The following GNAQ variants were observed in gnomAD, a reference collection of about 807,000 sequenced individuals.
The protein encoded by GNAQ is G protein subunit alpha q.
In GNAQ, 8 loss-of-function variants were observed where a neutral mutation model predicts 43.9. That is an observed-to-expected ratio of 0.18 (90% CI 0.11 to 0.33). The LOEUF (loss-of-function observed/expected upper bound fraction) is 0.33, where lower values mean the gene tolerates loss of function less well. GNAQ is among the 10% of genes least tolerant of loss of function. The pLI is 1.00. For missense variants in GNAQ, 158 were observed against 450.8 expected, an observed-to-expected ratio of 0.35 and a Z score of 5.88; for synonymous variants, 155 against 170.7, an observed-to-expected ratio of 0.91 and a Z score of 0.71.
At chr9:77,975,774 G>C (rs1272856721) in intron 1 of GNAQ, among the ~76,000 whole-genome samples, 1 of 152,086 alleles carries the variant, frequency 6.6e-6, no homozygotes, top group Non-Finnish European at 1.5e-5. Context: ...TTGACCTCAT[G>C]ATCCACCCGC....
chr9:77,737,162 C>T (rs973320870), intron 5 of GNAQ, among the ~76,000 whole-genome samples: 3 of 152,226 alleles, frequency 2.0e-5, no homozygotes, highest in Non-Finnish European at 4.4e-5. Flanking sequence ...AGTACTCTCT[C>T]TACACCCATT....
chr9:77,772,406 G>GTGC (rs1826239605), intron 5 of GNAQ, among the ~76,000 whole-genome samples: 1 of 152,166 alleles, frequency 6.6e-6, no homozygotes, highest in African/African-American at 2.4e-5. Flanking sequence ...TCCACCAAGT[G>GTGC]TGCTCTGCTC....
intron 1 of GNAQ, among the ~76,000 whole-genome samples, chr9:77,948,754 G>T (rs534158344): frequency 1.3e-5 from 2 of 152,242 alleles, no homozygotes; most frequent in East Asian, 3.9e-4. Flanking sequence ...GCATTGTTTA[G>T]GAGATTTATT....
At chr9:77,836,355 T>C (rs956933304) in intron 2 of GNAQ, among the ~76,000 whole-genome samples, 5 of 152,220 alleles carry the variant, frequency 3.3e-5, no homozygotes, top group African/African-American at 1.2e-4. Context: ...AGGATTTCTT[T>C]CCTTAGCAGT....
At chr9:77,936,066 TAAAGTTAAAGAA>T (rs1172235103) in intron 1 of GNAQ, among the ~76,000 whole-genome samples, 2 of 152,186 alleles carry the variant, frequency 1.3e-5, no homozygotes, top group African/African-American at 4.8e-5. Context: ...CTTGAGAAAG[TAAAGTTAAAGAA>T]AGTACATCGG....
At chr9:77,763,056 C>T (rs574045715) in intron 5 of GNAQ, among the ~76,000 whole-genome samples, 1 of 151,150 alleles carries the variant, frequency 6.6e-6, no homozygotes, top group East Asian at 2.0e-4. Flanking sequence ...TATGACCCTG[C>T]CAAATCCCTC....
At chr9:77,765,553 C>G (rs1826122084) in intron 5 of GNAQ, among the ~76,000 whole-genome samples, 1 of 152,104 alleles carries the variant, frequency 6.6e-6, no homozygotes, top group Non-Finnish European at 1.5e-5. Context: ...AAAATCAAAC[C>G]ACGATGAGAT....
intron 1 of GNAQ, among the ~76,000 whole-genome samples, chr9:77,994,320 G>A (rs932424684): frequency 6.6e-6 from 1 of 152,192 alleles, no homozygotes; most frequent in Non-Finnish European, 1.5e-5. Context: ...GATAACAAGC[G>A]TGAGCCACCT....
intron 2 of GNAQ, among the ~76,000 whole-genome samples, chr9:77,899,095 TTTTTG>T (rs776145398): frequency 3.3e-5 from 5 of 152,140 alleles, no homozygotes; most frequent in African/African-American, 9.7e-5. Context: ...CTCACCCGTT[TTTTTG>T]TTTTGTTTTG....
Position 77,844,196 on chromosome 9 carries a change from G to A in GNAQ, c.322-28426C>T, listed in dbSNP as rs375565423. ...GTGGTGCACTAATTGGTCCCTTTAA[G>A]CCTTCATCTAGCAGAAAACAATGGA... On this transcript the variant is annotated intron_variant, in intron 2 of 6. Transcript: ENST00000286548. Among the ~76,000 whole-genome samples, 6 of 152,160 alleles carry A rather than the reference G, an allele frequency of 3.9e-5. No individual in the cohort carries two copies. The East Asian group carries it at 9.7e-4, about 25-fold the overall frequency.
intron 2 of GNAQ, among the ~76,000 whole-genome samples, chr9:77,832,445 G>A (rs1827314496): frequency 6.6e-6 from 1 of 152,176 alleles, no homozygotes; most frequent in Non-Finnish European, 1.5e-5. Flanking sequence ...ACTTGGAAGA[G>A]GATGGAGGAA....
intron 5 of GNAQ, among the ~76,000 whole-genome samples, chr9:77,764,416 T>TA (rs1312322525): frequency 6.6e-6 from 1 of 152,124 alleles, no homozygotes; most frequent in Non-Finnish European, 1.5e-5. Flanking sequence ...GATAAAGCTA[T>TA]ACTAAGCTGG....
chr9:78,025,888 A>G (rs573386436), intron 1 of GNAQ, among the ~76,000 whole-genome samples: 36 of 152,328 alleles, frequency 2.4e-4, no homozygotes, highest in African/African-American at 8.7e-4. Context: ...TGCCTGGATC[A>G]TAAAGAAAAA....
intron 2 of GNAQ, among the ~76,000 whole-genome samples, chr9:77,898,057 C>G (rs948679597): frequency 2.0e-5 from 3 of 151,874 alleles, no homozygotes; most frequent in African/African-American, 7.3e-5. Flanking sequence ...TATCATATAC[C>G]CTTAGTCTAT....
chr9:77,761,597 G>T, intron 5 of GNAQ, among the ~76,000 whole-genome samples: 1 of 138,706 alleles, frequency 7.2e-6, no homozygotes, highest in African/African-American at 2.7e-5. Flanking sequence ...GAGGTGAGGG[G>T]CGCCTCTGCC....
At chr9:77,930,151 G>A (rs1436786156) in intron 1 of GNAQ, among the ~76,000 whole-genome samples, 1 of 152,076 alleles carries the variant, frequency 6.6e-6, no homozygotes, top group Non-Finnish European at 1.5e-5. Context: ...GCAGGATCTG[G>A]CAGTCCTGTA....
chr9:77,824,468 T>C (rs1353993278), intron 2 of GNAQ, among the ~76,000 whole-genome samples: 3 of 152,346 alleles, frequency 2.0e-5, no homozygotes, highest in South Asian at 4.1e-4. Context: ...GTTTAGGAGA[T>C]GAAACTCATA....
intron 2 of GNAQ, among the ~76,000 whole-genome samples, chr9:77,858,608 C>T (rs915918807): frequency 3.3e-5 from 5 of 151,968 alleles, no homozygotes; most frequent in South Asian, 2.1e-4. Context: ...TAGTGTCTGA[C>T]GCCATCAGTC....
chr9:77,960,484 GAA>G (rs1399551052), intron 1 of GNAQ, among the ~76,000 whole-genome samples: 1 of 152,178 alleles, frequency 6.6e-6, no homozygotes, highest in East Asian at 1.9e-4. Flanking sequence ...TGATATTACA[GAA>G]GAGAGATCCC....
Sources: gnomAD v4.1 joint callset for allele counts (sites outside exome capture counted in the v4.1 genomes callset) on GRCh38, gnomAD v4.1.1 for gene constraint, MANE v1.5 for transcripts, NCBI Gene and HGNC (gene_info 2026-07-23, HGNC 2026-07-21) for gene names.